Variants in XKR6 observed in about 807,000 individuals in gnomAD.
XKR6 encodes the protein XK related 6, also known as XK-related protein 6.
XKR6 carries 22 observed loss-of-function variants against 56.7 expected under a neutral mutation model. That is an observed-to-expected ratio of 0.39 (90% CI 0.28 to 0.55). The LOEUF (loss-of-function observed/expected upper bound fraction) is 0.55, where lower values mean the gene tolerates loss of function less well. Ranked by LOEUF, XKR6 falls within the 20% of genes least tolerant of loss-of-function variation. The pLI, the probability that XKR6 is intolerant of heterozygous loss-of-function variation, is 0.66. For synonymous variants in XKR6, 524 were observed against 387.8 expected, an observed-to-expected ratio of 1.35 and a Z score of -4.13; for missense variants, 852 against 889.0, an observed-to-expected ratio of 0.96 and a Z score of 0.53.
At chr8:11,148,917 A>G (rs956010239) in intron 1 of XKR6, among the ~76,000 whole-genome samples, 1 of 152,258 alleles carries the variant, frequency 6.6e-6, no homozygotes, top group African/African-American at 2.4e-5. Context: ...GCGAAACAGA[A>G]AAGAAGACAG....
At chr8:11,017,351 G>A (rs928893122) in intron 1 of XKR6, among the ~76,000 whole-genome samples, 1 of 152,230 alleles carries the variant, frequency 6.6e-6, no homozygotes, top group Non-Finnish European at 1.5e-5. Flanking sequence ...CAATAGACAC[G>A]AAGCTGCAGG....
intron 1 of XKR6, among the ~76,000 whole-genome samples, chr8:10,932,257 G>T (rs1011650935): frequency 6.6e-6 from 1 of 152,116 alleles, no homozygotes; most frequent in East Asian, 1.9e-4. Context: ...ATATTGCAGT[G>T]GGAATGCAAA....
At chr8:11,098,285 G>A (rs1469845692) in intron 1 of XKR6, among the ~76,000 whole-genome samples, 2 of 151,634 alleles carry the variant, frequency 1.3e-5, no homozygotes, top group South Asian at 2.1e-4. Flanking sequence ...ACACACAGGC[G>A]CGCGCGCACA....
chr8:10,993,296 G>A (rs1043428672), intron 1 of XKR6, among the ~76,000 whole-genome samples: 5 of 152,220 alleles, frequency 3.3e-5, no homozygotes, highest in African/African-American at 1.2e-4. Context: ...ACCACTTGCA[G>A]CAGCGGCCCT....
At chr8:11,096,030 T>C (rs1357751560) in intron 1 of XKR6, among the ~76,000 whole-genome samples, 1 of 152,238 alleles carries the variant, frequency 6.6e-6, no homozygotes, top group Non-Finnish European at 1.5e-5. Context: ...AAGTAAACTT[T>C]TCTGAATGTC....
intron 1 of XKR6, among the ~76,000 whole-genome samples, chr8:11,059,919 G>A (rs1037272448): frequency 6.6e-6 from 1 of 152,196 alleles, no homozygotes; most frequent in Non-Finnish European, 1.5e-5. Context: ...GACAGGATGG[G>A]TGTTAGGCAT....
chr8:10,915,096 TC>T lies in XKR6; in HGVS notation c.961+9537del, dbSNP rs561759626. Among the ~76,000 whole-genome samples, 372 of 152,354 alleles carry T rather than the reference TC, an allele frequency of 2.4e-3. 1 individual carries two copies. Among genetic ancestry groups the T allele is most frequent in the African/African-American group, 8.1e-3 (335 of 41,574 alleles). On this transcript the variant is annotated intron_variant, in intron 2 of 2. Transcript: ENST00000416569. ...GCTCTGCCTCCCTTCCCTTCTCTCT[TC>T]CCAGCTTTCTTGCTCTCTGTGCACT...
At chr8:11,025,918 G>C (rs899589866) in intron 1 of XKR6, among the ~76,000 whole-genome samples, 6 of 152,118 alleles carry the variant, frequency 3.9e-5, no homozygotes, top group African/African-American at 1.4e-4. Flanking sequence ...GAAATGTGCT[G>C]TTAAATACAC....
chr8:11,024,403 TA>T, intron 1 of XKR6, among the ~76,000 whole-genome samples: 1 of 152,320 alleles, frequency 6.6e-6, no homozygotes, highest in Non-Finnish European at 1.5e-5. Context: ...GAAATGGAGC[TA>T]TGACAGAACC....
intron 2 of XKR6, among the ~76,000 whole-genome samples, chr8:10,922,537 C>T (rs1298514716): frequency 6.6e-6 from 1 of 152,202 alleles, no homozygotes; most frequent in Non-Finnish European, 1.5e-5. Flanking sequence ...GGTCTTGCTC[C>T]AGAATCAATC....
intron 1 of XKR6, among the ~76,000 whole-genome samples, chr8:10,996,484 G>T (rs991908139): frequency 1.3e-5 from 2 of 152,170 alleles, no homozygotes; most frequent in African/African-American, 4.8e-5. Context: ...TCTCTATACT[G>T]CTAAGAGCAA....
intron 1 of XKR6, among the ~76,000 whole-genome samples, chr8:10,959,503 G>A (rs936188891): frequency 6.6e-6 from 1 of 152,200 alleles, no homozygotes; most frequent in African/African-American, 2.4e-5. Context: ...AGTGGATTTG[G>A]TTCCTGGTGA....
At chr8:11,171,426 C>T (rs77339495) in intron 1 of XKR6, among the ~76,000 whole-genome samples, 1 of 152,350 alleles carries the variant, frequency 6.6e-6, no homozygotes, top group African/African-American at 2.4e-5. Context: ...CCCTCCAAAT[C>T]TCATGTTGAA....
intron 2 of XKR6, among the ~76,000 whole-genome samples, chr8:10,916,738 G>A (rs553803671): frequency 6.6e-6 from 1 of 152,318 alleles, no homozygotes; most frequent in East Asian, 1.9e-4. Flanking sequence ...GTGCTTGCCG[G>A]GTTGCAGCCA....
chr8:11,041,349 A>G (rs1055587145), intron 1 of XKR6, among the ~76,000 whole-genome samples: 1 of 152,132 alleles, frequency 6.6e-6, no homozygotes, highest in Admixed American at 6.5e-5. Flanking sequence ...CAAGGTCAGG[A>G]GTTTGAGATC....
At chr8:10,919,199 G>A (rs2065233872) in intron 2 of XKR6, among the ~76,000 whole-genome samples, 1 of 152,038 alleles carries the variant, frequency 6.6e-6, no homozygotes, top group African/African-American at 2.4e-5. Flanking sequence ...CTTCCCTCAG[G>A]GCCTTTGTGC....
chr8:11,194,777 T>A, intron 1 of XKR6: 1 of 263,090 alleles, frequency 3.8e-6, no homozygotes, highest in Non-Finnish European at 7.3e-6. Flanking sequence ...TCAAATGATG[T>A]TGAAGACAGA....
At chr8:11,083,173 G>A (rs1003655375) in intron 1 of XKR6, among the ~76,000 whole-genome samples, 12 of 152,198 alleles carry the variant, frequency 7.9e-5, no homozygotes, top group African/African-American at 2.2e-4. Context: ...CAAAGTGCCC[G>A]TGGGGCTCCT....
chr8:11,068,653 T>G (rs771516407), intron 1 of XKR6, among the ~76,000 whole-genome samples: 3 of 151,998 alleles, frequency 2.0e-5, no homozygotes, highest in Non-Finnish European at 4.4e-5. Context: ...AGCGTGGGTT[T>G]CTCCTCTGCA....
Sources: allele counts gnomAD v4.1 joint callset (sites outside exome capture counted in the v4.1 genomes callset), GRCh38; gene constraint gnomAD v4.1.1; transcripts MANE v1.5; gene names NCBI Gene and HGNC (gene_info 2026-07-23, HGNC 2026-07-21).